Variants in USP37 observed in about 807,000 individuals in gnomAD.
USP37 encodes ubiquitin carboxyl-terminal hydrolase 37.
In USP37, 27 loss-of-function variants were observed where a neutral mutation model predicts 124.0. That is an observed-to-expected ratio of 0.22 (90% confidence interval 0.16 to 0.30). The LOEUF is 0.30. USP37 is among the 10% of genes least tolerant of loss of function. The pLI is 1.00. For missense variants in USP37, 889 were observed against 1,140.4 expected (o/e 0.78, Z 3.17); for synonymous variants, 365 against 388.0 (o/e 0.94, Z 0.70).
At chr2:218,533,325 T>C (rs147336517) in intron 9 of USP37, among the ~76,000 whole-genome samples, 2 of 152,340 alleles carry the variant, frequency 1.3e-5, no homozygotes, top group Non-Finnish European at 2.9e-5. Context: ...ATTGACTCTT[T>C]ATTGTAGAAA....
chr2:218,505,608 G>C (rs576634102), intron 11 of USP37, among the ~76,000 whole-genome samples: 6 of 152,284 alleles, frequency 3.9e-5, no homozygotes, highest in African/African-American at 1.4e-4. Context: ...TCTTGAAAAT[G>C]ATGTTAGTGT....
chr2:218,481,308 A>G (rs1691259937), intron 17 of USP37, among the ~76,000 whole-genome samples: 1 of 152,214 alleles, frequency 6.6e-6, no homozygotes, highest in Admixed American at 6.5e-5. Flanking sequence ...AACATTGAGT[A>G]TAGGGTTTCT....
chr2:218,454,953 T>A lies in USP37; in HGVS notation c.2917A>T (p.Lys973Ter). The A allele has an allele frequency of 6.2e-7, 1 of 1,614,114 alleles. No individual in the cohort carries two copies. Among genetic ancestry groups the A allele is most frequent in the South Asian group, 1.1e-5 (1 of 91,086 alleles). ...NSQSLSTEVGKTTRQAL is the reference protein window; with the variant it reads ...NSQSLSTEVG ...CCTCACAAGGCCTGACGGGTAGTCT[T>A]CCCCACTTCCGTGCTAAGTGACTGA... Residue 973 changes from lysine (K) to a stop codon, truncating the protein, a stop_gained, in exon 26 of 26, where the codon AAG becomes TAG. Coordinates refer to ENST00000258399, the MANE Select transcript of USP37 (RefSeq NM_020935.3). LOFTEE classifies it high-confidence loss of function.
At chr2:218,497,972 T>C (rs990801893) in intron 12 of USP37, 54 bp downstream of exon 12, 1 of 1,568,348 alleles carries the variant, frequency 6.4e-7, no homozygotes. Context: ...ATTCCATTAT[T>C]CTATAATCAA....
At chr2:218,550,939 T>C (rs1327005109) in intron 5 of USP37, among the ~76,000 whole-genome samples, 1 of 152,202 alleles carries the variant, frequency 6.6e-6, no homozygotes, top group Non-Finnish European at 1.5e-5. Context: ...TGTCTAATTT[T>C]TTAACACAAG....
At chr2:218,493,589 G>C (rs1337981867) in intron 14 of USP37, among the ~76,000 whole-genome samples, 1 of 152,108 alleles carries the variant, frequency 6.6e-6, no homozygotes, top group Non-Finnish European at 1.5e-5. Context: ...TCCTGCCTCA[G>C]CCTCCCTAGT....
chr2:218,527,496 T>C (rs1428176381), intron 10 of USP37, among the ~76,000 whole-genome samples: 1 of 152,232 alleles, frequency 6.6e-6, no homozygotes, highest in Non-Finnish European at 1.5e-5. Flanking sequence ...GTTCTCCACA[T>C]TCCTTACCGC....
In USP37 at chr2:218,451,012, A is replaced by G. The variant is rs944497966; in HGVS notation, c.*3918T>C. The G allele has an allele frequency of 2.0e-5, 3 of 152,206 alleles. No homozygotes were observed. The highest frequency in any genetic ancestry group is 7.2e-5 in the African/African-American group (3 of 41,456). The allele number at this position is 152,206 out of a possible 1,614,324, so 9.4% of individuals were successfully genotyped here. On this transcript the variant is annotated 3_prime_UTR_variant, in exon 26 of 26. Transcript: ENST00000258399. ...GAATGATTGTGGTTAAACACAGCAA[A>G]ATAATTGTCACAAAACTTTCAAGGC...
chr2:218,527,080 G>A (rs953535288), intron 10 of USP37, among the ~76,000 whole-genome samples: 40 of 152,272 alleles, frequency 2.6e-4, no homozygotes, highest in Admixed American at 1.8e-3. Flanking sequence ...GAGCCACCGC[G>A]CCCGGCCTGC....
chr2:218,459,807 G>C lies in USP37; in HGVS notation c.2626C>G (p.Leu876Val). Residue 876 changes from leucine to valine, a missense_variant, in exon 23 of 26, where the codon CTG becomes GTG. Leu to Val is a conservative substitution (Grantham distance 32). Transcript: ENST00000258399. ...ACAATTACCTCAGCATTTCTTTTCA[G>C]TTCCTCAGCTTCAGCTTCTGTGTAC... ...MEYTEAEAEE[L>V]KRNAETGNLP... 1 of 1,613,526 alleles carries C rather than the reference G, an allele frequency of 6.2e-7. No individual in the cohort carries two copies. The highest frequency in any genetic ancestry group is 8.5e-7 in the Non-Finnish European group (1 of 1,179,726).
chr2:218,509,886 T>G (rs566475785), intron 11 of USP37, 93 bp downstream of exon 11: 1 of 1,218,946 alleles, frequency 8.2e-7, no homozygotes, highest in South Asian at 2.7e-5. Flanking sequence ...TTTTAGAACT[T>G]TAATGTGACT....
At chr2:218,536,664 T>A (rs986704924) in intron 8 of USP37, among the ~76,000 whole-genome samples, 2 of 152,196 alleles carry the variant, frequency 1.3e-5, no homozygotes, top group Admixed American at 1.3e-4. Context: ...CTTTCCTTAC[T>A]CCCTTCACTA....
At chr2:218,542,278 G>A (rs1293196507) in intron 8 of USP37, among the ~76,000 whole-genome samples, 1 of 152,184 alleles carries the variant, frequency 6.6e-6, no homozygotes, top group African/African-American at 2.4e-5. Context: ...AAATCTAGAT[G>A]TGATGGTGTA....
intron 15 of USP37, among the ~76,000 whole-genome samples, chr2:218,487,357 A>T (rs895194574): frequency 2.0e-5 from 3 of 152,236 alleles, no homozygotes; most frequent in Non-Finnish European, 2.9e-5. Flanking sequence ...CTACAGTTTT[A>T]ATTTCATGTT....
At position 218,453,422 on chromosome 2, in the gene USP37, T is replaced by C. The variant is rs962829392; in HGVS notation, c.*1508A>G. 6.6e-6 allele frequency: 1 copy of C among 152,076 alleles called. No individual in the cohort carries two copies. The highest frequency in any genetic ancestry group is 2.4e-5 in the African/African-American group (1 of 41,410). The allele number at this position is 152,076 out of a possible 1,614,324, so 9.4% of individuals were successfully genotyped here. ...GTTTTTTCCTTCTGAAAACCTGATGTGGTTTTGTCCCTACCTCTGAGAACT... is the reference window on the plus strand; with the variant it reads ...GTTTTTTCCTTCTGAAAACCTGATGCGGTTTTGTCCCTACCTCTGAGAACT... On this transcript the variant is annotated 3_prime_UTR_variant, in exon 26 of 26. Transcript: ENST00000258399.
intron 14 of USP37, among the ~76,000 whole-genome samples, chr2:218,491,746 T>C (rs1468854343): frequency 6.6e-6 from 1 of 152,138 alleles, no homozygotes; most frequent in East Asian, 1.9e-4. Flanking sequence ...TAGTAAAACA[T>C]ACAGTATGTT....
chr2:218,524,345 C>T (rs34887023), intron 10 of USP37, among the ~76,000 whole-genome samples: 6,108 of 152,254 alleles, frequency 0.04, 161 homozygotes, highest in East Asian at 0.12. Context: ...AGTGATCCTC[C>T]CACCTAGTCC....
At chr2:218,564,272 C>T (rs1390622968) in intron 1 of USP37, among the ~76,000 whole-genome samples, 1 of 152,164 alleles carries the variant, frequency 6.6e-6, no homozygotes, top group African/African-American at 2.4e-5. Context: ...ATTTATTATG[C>T]AACATTTACT....
chr2:218,522,253 A>G (rs1690695037), intron 10 of USP37, among the ~76,000 whole-genome samples: 1 of 151,918 alleles, frequency 6.6e-6, no homozygotes, highest in African/African-American at 2.4e-5. Context: ...CTATTCTTAT[A>G]AGCTTACTTA....
Sources: allele counts gnomAD v4.1 joint callset (sites outside exome capture counted in the v4.1 genomes callset), GRCh38; gene constraint gnomAD v4.1.1; transcripts MANE v1.5; gene names NCBI Gene and HGNC (gene_info 2026-07-23, HGNC 2026-07-21).